Variants in CHM observed in about 807,000 individuals in gnomAD.
CHM encodes CHM Rab escort protein.
In CHM, 10 loss-of-function variants were observed where a neutral mutation model predicts 49.0. The observed-to-expected ratio is 0.20, with a 90% confidence interval of 0.13 to 0.35. The LOEUF (loss-of-function observed/expected upper bound fraction) is 0.35. CHM is among the 10% of genes least tolerant of loss of function. The pLI is 1.00. For synonymous variants in CHM, 184 were observed against 167.5 expected (o/e 1.10, Z -0.76); for missense variants, 455 against 478.4 (o/e 0.95, Z 0.46).
chrX:86,041,667 CAT>C (rs1250513932), intron 1 of CHM, among the ~76,000 whole-genome samples: 1 of 100,298 alleles, frequency 1.0e-5, no homozygotes, highest in Non-Finnish European at 2.0e-5. Flanking sequence ...TCCCCAAAAA[CAT>C]ATGTGTGTAT....
chrX:85,900,549 A>C, intron 11 of CHM, 97 bp downstream of exon 11: 3 of 572,941 alleles, frequency 5.2e-6, no homozygotes, highest in Non-Finnish European at 8.9e-6. Flanking sequence ...ACATATGTTA[A>C]TTAGCTTGAG....
intron 8 of CHM, among the ~76,000 whole-genome samples, chrX:85,942,157 T>C (rs1929141737): frequency 9.1e-6 from 1 of 110,408 alleles, no homozygotes. Flanking sequence ...AATATTTCTG[T>C]CCCATATGAC....
intron 14 of CHM, among the ~76,000 whole-genome samples, chrX:85,871,304 C>CAAAAAAAAAAAAAAAAAAAAAAAAA (rs150005971): frequency 1.6e-5 from 1 of 62,063 alleles, no homozygotes; most frequent in African/African-American, 7.0e-5. Context: ...AAGACTGTCT[C>CAAAAAAAAAAAAAAAAAAAAAAAAA]AAAAAAAAAA....
At chrX:85,915,053 A>G (rs1000598339) in intron 8 of CHM, among the ~76,000 whole-genome samples, 3 of 110,810 alleles carry the variant, frequency 2.7e-5, no homozygotes, top group African/African-American at 9.9e-5. Flanking sequence ...CAAAAAACCC[A>G]TATAAAAAAA....
rs201341104 is a variant in CHM at position 85,919,595 on chromosome X, G to GA, written c.1167-8258dup. Among the ~76,000 whole-genome samples, 56 of 109,960 alleles carry GA rather than the reference G, an allele frequency of 5.1e-4. 2 individuals are homozygous for GA. The East Asian group carries it at 0.014, about 27-fold the overall frequency. The stretch of plus-strand genomic sequence containing the variant: ...ATTAACAGTGGATATATACTATATG[G>GA]AAAAAAAACACAAGAATGTAAAGAA... On this transcript the variant is annotated intron_variant, in intron 8 of 14. Transcript: ENST00000357749.
At chrX:85,896,541 G>A (rs1390628910) in intron 11 of CHM, among the ~76,000 whole-genome samples, 1 of 110,272 alleles carries the variant, frequency 9.1e-6, no homozygotes, top group Non-Finnish European at 1.9e-5. Flanking sequence ...ATGTCCAGCA[G>A]GAAGCTTAGC....
rs1028856435 is a variant in CHM at position 85,886,121 on chromosome X, T to C, written c.1511-7058A>G. 3.6e-5 allele frequency among the ~76,000 whole-genome samples: 4 copies of C among 110,947 alleles called. No individual in the cohort carries two copies. In the Admixed American group the frequency reaches 3.8e-4, roughly 11 times the overall value. On this transcript the variant is annotated intron_variant, in intron 12 of 14. Coordinates refer to ENST00000357749, the MANE Select transcript of CHM (RefSeq NM_000390.4). ...TATAAATAACAACATTCAGATAGAA[T>C]GGTAAAAAGCCTTCCACCAAGAATT... is the stretch of plus-strand genomic sequence containing the variant.
intron 2 of CHM, among the ~76,000 whole-genome samples, chrX:85,990,510 G>A (rs1482238177): frequency 2.7e-5 from 3 of 111,644 alleles, no homozygotes; most frequent in Non-Finnish European, 5.7e-5. Context: ...AGAAAACATG[G>A]TTGTAATCTT....
chrX:85,868,687 G>A (rs1420524221), intron 14 of CHM, among the ~76,000 whole-genome samples: 1 of 111,254 alleles, frequency 9.0e-6, no homozygotes, highest in Non-Finnish European at 1.9e-5. Flanking sequence ...CCTCAGAATT[G>A]GACTGGTCTC....
At chrX:85,949,892 T>A (rs1281776292) in intron 8 of CHM, among the ~76,000 whole-genome samples, 2 of 101,302 alleles carry the variant, frequency 2.0e-5, no homozygotes, top group Non-Finnish European at 4.0e-5. Context: ...GGAAGGGGAA[T>A]GTCCATGGGA....
At chrX:85,964,449 T>G (rs1930471310) in intron 4 of CHM, among the ~76,000 whole-genome samples, 1 of 110,560 alleles carries the variant, frequency 9.0e-6, no homozygotes, top group African/African-American at 3.3e-5. Flanking sequence ...TGAGACCACC[T>G]AAATTACCCA....
chrX:86,009,924 A>G (rs1932985512), intron 2 of CHM, among the ~76,000 whole-genome samples: 1 of 110,240 alleles, frequency 9.1e-6, no homozygotes, highest in Non-Finnish European at 1.9e-5. Context: ...AAAATCCATC[A>G]ATAATAATAA....
At chrX:86,003,809 G>A (rs889088887) in intron 2 of CHM, among the ~76,000 whole-genome samples, 7 of 112,014 alleles carry the variant, frequency 6.2e-5, no homozygotes, top group Admixed American at 9.5e-5. Context: ...AAGTGATGGG[G>A]AGAATGGAAA....
At chrX:86,037,081 G>GA (rs2147804361) in intron 1 of CHM, among the ~76,000 whole-genome samples, 1 of 106,447 alleles carries the variant, frequency 9.4e-6, no homozygotes, top group East Asian at 2.9e-4. Context: ...TCCTTGCCAG[G>GA]AAATAATCTC....
At chrX:86,015,078 A>G (rs1278421879) in intron 2 of CHM, among the ~76,000 whole-genome samples, 1 of 110,731 alleles carries the variant, frequency 9.0e-6, no homozygotes, top group Non-Finnish European at 1.9e-5. Flanking sequence ...TTTTTATTCT[A>G]AAGGAATAGA....
intron 4 of CHM, among the ~76,000 whole-genome samples, chrX:85,976,360 C>T (rs1204367381): frequency 8.9e-6 from 1 of 111,736 alleles, no homozygotes; most frequent in Non-Finnish European, 1.9e-5. Context: ...CAGTGGCTCA[C>T]GCCTGTAATC....
chrX:85,964,533 C>A (rs902017041), intron 4 of CHM, among the ~76,000 whole-genome samples: 2 of 111,177 alleles, frequency 1.8e-5, no homozygotes, highest in Admixed American at 1.9e-4. Flanking sequence ...ATGCAAAGAG[C>A]CTGACACAGT....
At chrX:85,933,014 T>G (rs1236014582) in intron 8 of CHM, among the ~76,000 whole-genome samples, 1 of 111,110 alleles carries the variant, frequency 9.0e-6, no homozygotes, top group East Asian at 2.8e-4. Context: ...GTCTCTCAAT[T>G]TGTTAGGCAT....
Position 85,981,693 on chromosome X carries a change from T to C in CHM, c.189+44A>G, listed in dbSNP as rs375007992. On this transcript the variant is annotated intron_variant, in intron 3 of 14. Coordinates refer to ENST00000357749, the MANE Select transcript of CHM (RefSeq NM_000390.4). ...TTCAGTGCAGGGTTACTATGTAACA[T>C]ACAATAAAACAAAGCAAATTAAAAG... 24 of 955,302 alleles carry C rather than the reference T, an allele frequency of 2.5e-5. No homozygotes were observed. In the African/African-American group the frequency reaches 3.7e-4, roughly 15 times the overall value. The allele number at this position is 955,302 out of a possible 1,213,427, so 78.7% of individuals were successfully genotyped here.
Sources: gnomAD v4.1 joint callset for allele counts (sites outside exome capture counted in the v4.1 genomes callset) on GRCh38, gnomAD v4.1.1 for gene constraint, MANE v1.5 for transcripts, NCBI Gene and HGNC (gene_info 2026-07-23, HGNC 2026-07-21) for gene names.